The following MYOM3 variants were observed in gnomAD, a reference collection of about 807,000 sequenced individuals.
The protein encoded by MYOM3 is myomesin 3.
MYOM3 carries 155 observed loss-of-function variants against 191.7 expected under a neutral mutation model. The observed-to-expected ratio is 0.81, with a 90% confidence interval of 0.71 to 0.92. The LOEUF (loss-of-function observed/expected upper bound fraction) is 0.92. Ranked by LOEUF, MYOM3 falls within the 40% of genes least tolerant of loss-of-function variation. The probability of loss-of-function intolerance (pLI) is 0.00; values close to 1 mark genes in which losing one functional copy is unlikely to be tolerated. For synonymous variants in MYOM3, 757 were observed against 762.9 expected (o/e 0.99, Z 0.13); for missense variants, 1,889 against 1,890.6 (o/e 1.00, Z 0.02).
intron 7 of MYOM3, among the ~76,000 whole-genome samples, chr1:24,096,338 A>G (rs1643878253): frequency 6.6e-6 from 1 of 152,218 alleles, no homozygotes; most frequent in South Asian, 2.1e-4. Context: ...GTGGAGTAGG[A>G]GAAGCAGAGG....
rs1036672834 is a variant in MYOM3, at chr1:24,107,912, G to T, written c.242+81C>A. 3.2e-6 allele frequency: 4 copies of T among 1,256,936 alleles called. No individual in the cohort carries two copies. The African/African-American group carries it at 6.0e-5, about 19-fold the overall frequency. The allele number at this position is 1,256,936 out of a possible 1,614,324, so 77.9% of individuals were successfully genotyped here. ...TGGGCAGGTTCTTTACACTCGGGGT[G>T]AAAGGCCAGCAGGGAGGCCGGGGAC... On this transcript the variant is annotated intron_variant, in intron 3 of 36. Coordinates refer to ENST00000374434, the MANE Select transcript of MYOM3 (RefSeq NM_152372.4).
chr1:24,095,426 C>A lies in MYOM3; in HGVS notation c.790+16G>T, dbSNP rs4077303. 3.1e-5 allele frequency: 50 copies of A among 1,610,788 alleles called. No individual in the cohort carries two copies. Among genetic ancestry groups the A allele is most frequent in the Non-Finnish European group, 3.9e-5 (46 of 1,177,992 alleles). On this transcript the variant is annotated intron_variant, in intron 8 of 36. Coordinates refer to ENST00000374434, the MANE Select transcript of MYOM3 (RefSeq NM_152372.4). ...AACAAAGAATCCCAGGTCCCGTTCT[C>A]CCCCAGCCGACTTACTTTTGAAGAT...
chr1:24,076,507 C>T (rs867063861), intron 20 of MYOM3, among the ~76,000 whole-genome samples: 11 of 49,098 alleles, frequency 2.2e-4, no homozygotes, highest in Admixed American at 6.9e-4. Flanking sequence ...CCTAATGTTT[C>T]TTTTTTTTTT....
intron 21 of MYOM3, 108 bp from the exon 22 acceptor site, chr1:24,075,583 A>C: frequency 8.5e-7 from 1 of 1,172,442 alleles, no homozygotes; most frequent in South Asian, 1.8e-5. Context: ...CTTAATAATA[A>C]ACTTGACTCC....
chr1:24,096,720 G>A (rs1643879976), intron 7 of MYOM3, among the ~76,000 whole-genome samples: 1 of 152,082 alleles, frequency 6.6e-6, no homozygotes, highest in African/African-American at 2.4e-5. Context: ...GTGCGCGTGT[G>A]TGTATGAGTG....
At chr1:24,090,775 C>A (rs756889967) in intron 12 of MYOM3, 22 bp downstream of exon 12, 1 of 1,611,926 alleles carries the variant, frequency 6.2e-7, no homozygotes, top group Admixed American at 1.7e-5. Context: ...TCTAGAAAGT[C>A]GCTTAGGACC....
intron 22 of MYOM3, among the ~76,000 whole-genome samples, chr1:24,074,944 G>T (rs906387774): frequency 6.6e-6 from 1 of 152,108 alleles, no homozygotes; most frequent in African/African-American, 2.4e-5. Context: ...AATTAGCTGG[G>T]CATGGTGACA....
chr1:24,097,042 A>C (rs1643881971), intron 7 of MYOM3, among the ~76,000 whole-genome samples: 1 of 152,226 alleles, frequency 6.6e-6, no homozygotes, highest in Non-Finnish European at 1.5e-5. Flanking sequence ...ATGTGAACTC[A>C]GGTCTGGCTG....
intron 33 of MYOM3, 150 bp from the exon 34 acceptor site, chr1:24,061,459 G>A (rs1643368911): frequency 1.1e-5 from 8 of 757,494 alleles, no homozygotes; most frequent in South Asian, 3.3e-5. Flanking sequence ...GCAGGACTGC[G>A]TGGGAGGGTA....
At position 24,058,087 on chromosome 1, in the gene MYOM3, G is replaced by GT. The variant is rs1214782345; in HGVS notation, c.4051-461dup. On this transcript the variant is annotated intron_variant, in intron 36 of 36. Transcript: ENST00000374434. ...CTCCCAAAGTGCTGGGATTACAGGC[G>GT]TGAGCCACTGTGCCCGGGCATTCTC... Among the ~76,000 whole-genome samples, 3 of 152,260 alleles carry GT rather than the reference G, an allele frequency of 2.0e-5. No individual in the cohort carries two copies. The East Asian group carries it at 5.8e-4, about 29-fold the overall frequency.
rs912351500 is a variant in MYOM3 at position 24,086,524 on chromosome 1, C to T, written c.1798+120G>A. ...GGCCTGAGATCAAATTGCTTTTCAG[C>T]TTCATGATGGGTAGAAGGGAGCGGG... On this transcript the variant is annotated intron_variant, in intron 15 of 36. Coordinates refer to ENST00000374434, the MANE Select transcript of MYOM3 (RefSeq NM_152372.4). The T allele has an allele frequency of 1.6e-5, 17 of 1,032,368 alleles. No individual in the cohort carries two copies. The African/African-American group carries it at 2.1e-4, about 13-fold the overall frequency. The allele number at this position is 1,032,368 out of a possible 1,614,324, so 64.0% of individuals were successfully genotyped here.
Position 24,057,298 on chromosome 1 carries a change from C to A in MYOM3, c.*66G>T. The A allele has an allele frequency of 6.6e-7, 1 of 1,518,232 alleles. No individual in the cohort carries two copies. The highest frequency in any genetic ancestry group is 9.0e-7 in the Non-Finnish European group (1 of 1,109,996). The allele number at this position is 1,518,232 out of a possible 1,614,324, so 94.0% of individuals were successfully genotyped here. A position where few individuals can be genotyped will look rare whatever the true frequency, so the allele number is the denominator to read the frequency against. On this transcript the variant is annotated 3_prime_UTR_variant, in exon 37 of 37. Coordinates refer to ENST00000374434, the MANE Select transcript of MYOM3 (RefSeq NM_152372.4). ...CCCTGTAGCCTGTGCCAGGCTGTGA[C>A]CCTGGTACAGGTTGTCCCTACTGGT...
intron 15 of MYOM3, 25 bp from the exon 16 acceptor site, chr1:24,084,664 A>G: frequency 6.3e-7 from 1 of 1,593,082 alleles, no homozygotes; most frequent in Non-Finnish European, 8.5e-7. Flanking sequence ...CATGGGCTGA[A>G]TGAGAAGGCT....
rs559972440 is a variant in MYOM3 at position 24,095,079 on chromosome 1, C to T, written c.791-89G>A. On this transcript the variant is annotated intron_variant, in intron 8 of 36. Transcript: ENST00000374434. ...GAGTGAGGAAATTTCTGGGGCATCCCTTCTCTTCTGGGTCTTGACTAGGAG... is the reference window on the plus strand; with the variant it reads ...GAGTGAGGAAATTTCTGGGGCATCCTTTCTCTTCTGGGTCTTGACTAGGAG... 2.0e-4 allele frequency: 288 copies of T among 1,407,266 alleles called. No individual in the cohort carries two copies. In the African/African-American group the frequency reaches 2.2e-3, roughly 11 times the overall value. 87.2% of individuals were successfully genotyped at this position (1,407,266 alleles called of 1,614,324 possible).
chr1:24,090,705 G>A (rs1643807858), intron 12 of MYOM3, 92 bp downstream of exon 12: 3 of 1,294,670 alleles, frequency 2.3e-6, no homozygotes, highest in Non-Finnish European at 3.3e-6. Context: ...CAGACTCGGG[G>A]CTCCTGAGGG....
At chr1:24,089,728 C>T (rs1397230894) in intron 13 of MYOM3, 63 bp from the exon 14 acceptor site, 4 of 1,500,508 alleles carry the variant, frequency 2.7e-6, no homozygotes, top group Admixed American at 2.2e-5. Flanking sequence ...AATCTCAGTG[C>T]CTCATTCCAT....
intron 15 of MYOM3, among the ~76,000 whole-genome samples, chr1:24,085,356 G>GGATGGATAGATGGATGAATA (rs1643726530): frequency 6.6e-6 from 1 of 152,174 alleles, no homozygotes; most frequent in African/African-American, 2.4e-5. Context: ...ATGGATAGAT[G>GGATGGATAGATGGATGAATA]GATGGATAGA....
Position 24,063,037 on chromosome 1 carries a change from C to T in MYOM3, c.3770+89G>A. ...GGGACCAGAAACTCTGCTTGGAGGACCAGGCAGGGAGAAGGGAGGGAGGCC... is the reference window on the plus strand; with the variant it reads ...GGGACCAGAAACTCTGCTTGGAGGATCAGGCAGGGAGAAGGGAGGGAGGCC... On this transcript the variant is annotated intron_variant, in intron 32 of 36. Transcript: ENST00000374434. The surrounding 1 kb of genome is among the most constrained non-coding windows in gnomAD (Gnocchi z 4.5). 1 of 824,352 alleles carries T rather than the reference C, an allele frequency of 1.2e-6. No individual in the cohort carries two copies. Among genetic ancestry groups the T allele is most frequent in the Non-Finnish European group, 2.1e-6 (1 of 481,272 alleles). 51.1% of individuals were successfully genotyped at this position (824,352 alleles called of 1,614,324 possible). A position where few individuals can be genotyped will look rare whatever the true frequency, so the allele number is the denominator to read the frequency against.
intron 20 of MYOM3, 89 bp downstream of exon 20, chr1:24,079,927 C>T (rs1643645842): frequency 3.4e-6 from 4 of 1,175,200 alleles, no homozygotes; most frequent in African/African-American, 3.1e-5. Flanking sequence ...TAAGTGAGAG[C>T]AGTGATGTCT....
Sources: gnomAD v4.1 joint callset for allele counts (sites outside exome capture counted in the v4.1 genomes callset) on GRCh38, gnomAD v4.1.1 for gene constraint, Gnocchi (gnomAD v3.1) non-coding constraint, MANE v1.5 for transcripts, NCBI Gene and HGNC (gene_info 2026-07-23, HGNC 2026-07-21) for gene names.